Variants in PER2 observed in about 807,000 individuals in gnomAD.
PER2 encodes period circadian regulator 2.
A neutral mutation model predicts 121.0 loss-of-function variants in PER2; 66 were observed. That is an observed-to-expected ratio of 0.55 (90% CI 0.45 to 0.67). PER2 has a LOEUF of 0.67. Ranked by LOEUF, PER2 falls within the 30% of genes least tolerant of loss-of-function variation. The pLI, the probability that PER2 is intolerant of heterozygous loss-of-function variation, is 0.00. For synonymous variants in PER2, 684 were observed against 659.9 expected, an observed-to-expected ratio of 1.04 and a Z score of -0.56; for missense variants, 1,521 against 1,635.0, an observed-to-expected ratio of 0.93 and a Z score of 1.20.
chr2:238,245,041 C>CT lies in PER2; in HGVS notation c.*1333dup, dbSNP rs1695408006. ...CAGCCTGGGCAAAAAGAAACTCCAT[C>CT]TAAAAAAAAAAAAAAAAAAAAAAAA... On this transcript the variant is annotated 3_prime_UTR_variant, in exon 23 of 23. Coordinates refer to ENST00000254657, the MANE Select transcript of PER2 (RefSeq NM_022817.3). 3 of 28,110 alleles carry CT rather than the reference C, an allele frequency of 1.1e-4. No homozygotes were observed. Among genetic ancestry groups the CT allele is most frequent in the African/African-American group, 1.4e-4 (1 of 7,068 alleles). 1.7% of individuals were successfully genotyped at this position (28,110 alleles called of 1,614,324 possible).
At position 238,253,221 on chromosome 2, in the gene PER2, G is replaced by A. The variant is rs747856501; in HGVS notation, c.2802C>T (p.His934=). The change falls in exon 19 of 23, where the codon CAC becomes CAT. Residue 934 remains histidine, a synonymous_variant. Transcript: ENST00000254657. This position sits in a 1 kb window ranked among gnomAD's most constrained non-coding sequence, Gnocchi z 5.6. ...FFPSQPQFPS[H]PTLTSEMASA... is the part of the protein sequence containing the mutation. The stretch of plus-strand genomic sequence containing the variant: ...AGGCCATCTCGGATGTGAGTGTGGG[G>A]TGGCTCGGAAACTGAGGCTGGCTGG... 15 of 1,599,520 alleles carry A rather than the reference G, an allele frequency of 9.4e-6. No individual in the cohort carries two copies. Among genetic ancestry groups the A allele is most frequent in the South Asian group, 2.3e-5 (2 of 88,754 alleles).
chr2:238,258,293 G>A lies in PER2; in HGVS notation c.1883C>T (p.Pro628Leu). The A allele has an allele frequency of 6.2e-7, 1 of 1,614,174 alleles. No homozygotes were observed. The highest frequency in any genetic ancestry group is 8.5e-7 in the Non-Finnish European group (1 of 1,180,016). The change falls in exon 16 of 23, where the codon CCA becomes CTA. Residue 628 changes from proline to leucine, a missense_variant. Coordinates refer to ENST00000254657, the MANE Select transcript of PER2 (RefSeq NM_022817.3). ...TTAGATACCTCCAGCGTGTGGCCCTGGGCTGACTGTGGCCTTCCGCTTATC... is the reference window on the plus strand; with the variant it reads ...TTAGATACCTCCAGCGTGTGGCCCTAGGCTGACTGTGGCCTTCCGCTTATC... ...SSDKRKATVSPGPHAGEAEPP... is the reference protein window; with the variant it reads ...SSDKRKATVSLGPHAGEAEPP...
chr2:238,257,049 T>A lies in PER2; in HGVS notation c.1938A>T (p.Gly646=). ...EPPSRVNSRT[G]VGTHLTSLAL... is the part of the protein sequence containing the mutation. Reference sequence around the variant, plus strand: ...CCAGCGAGGTCAGGTGCGTACCTACTCCCGTGCGGCTGTTCACCCTGGAGG... The same window carrying A: ...CCAGCGAGGTCAGGTGCGTACCTACACCCGTGCGGCTGTTCACCCTGGAGG... The change falls in exon 17 of 23, where the codon GGA becomes GGT. Residue 646 remains glycine (G), a synonymous_variant. Coordinates refer to ENST00000254657, the MANE Select transcript of PER2 (RefSeq NM_022817.3). 6.2e-7 allele frequency: 1 copy of A among 1,613,272 alleles called. No homozygotes were observed. Among genetic ancestry groups the A allele is most frequent in the Non-Finnish European group, 8.5e-7 (1 of 1,179,934 alleles).
At position 238,253,645 on chromosome 2, in the gene PER2, T is replaced by C; in HGVS notation, c.2378A>G (p.Lys793Arg). 1 of 1,609,154 alleles carries C rather than the reference T, an allele frequency of 6.2e-7. No individual in the cohort carries two copies. The highest frequency in any genetic ancestry group is 1.1e-5 in the South Asian group (1 of 90,432). ...CCGCTTGGACTTCAATTTTCTGTTCTTTCCTGTTTTTTTCCAAGGTGAATC... is the reference window on the plus strand; with the variant it reads ...CCGCTTGGACTTCAATTTTCTGTTCCTTCCTGTTTTTTTCCAAGGTGAATC... ...GIDSPWKKTG[K>R]NRKLKSKRVK... Residue 793 changes from lysine to arginine, a missense_variant, in exon 19 of 23, where the codon AAG becomes AGG. Physicochemically the swap from Lys to Arg is conservative, Grantham distance 26. Coordinates refer to ENST00000254657, the MANE Select transcript of PER2 (RefSeq NM_022817.3). The surrounding 1 kb of genome is among the most constrained non-coding windows in gnomAD (Gnocchi z 5.6).
At chr2:238,261,925 T>A in intron 11 of PER2, 88 bp from the exon 12 acceptor site, 5 of 947,374 alleles carry the variant, frequency 5.3e-6, no homozygotes, top group Non-Finnish European at 8.2e-6. Flanking sequence ...GCTGCCTGCC[T>A]GGGTGGGCCC....
rs1421541630 is a variant in PER2 at position 238,252,757 on chromosome 2, T to C, written c.3111+155A>G. On this transcript the variant is annotated intron_variant, in intron 19 of 22. Coordinates refer to ENST00000254657, the MANE Select transcript of PER2 (RefSeq NM_022817.3). This position sits in a 1 kb window ranked among gnomAD's most constrained non-coding sequence, Gnocchi z 4.2. ...CTCTGATAGGATTAAGTGGGAAGCATGAATTTCTGGCACACACATTCATGG... is the reference window on the plus strand; with the variant it reads ...CTCTGATAGGATTAAGTGGGAAGCACGAATTTCTGGCACACACATTCATGG... Among the ~76,000 whole-genome samples, 1 of 152,204 alleles carries C rather than the reference T, an allele frequency of 6.6e-6. No homozygotes were observed. Among genetic ancestry groups the C allele is most frequent in the Non-Finnish European group, 1.5e-5 (1 of 68,018 alleles).
In PER2 at chr2:238,252,093, G is replaced by C. The variant is rs1695621096; in HGVS notation, c.3112-332C>G. On this transcript the variant is annotated intron_variant, in intron 19 of 22. Coordinates refer to ENST00000254657, the MANE Select transcript of PER2 (RefSeq NM_022817.3). This position sits in a 1 kb window ranked among gnomAD's most constrained non-coding sequence, Gnocchi z 4.2. ...CTCCTCACATGCAGCAGACATGGAT[G>C]GGGAAAACGCCTCTCACAGCACCCG... Among the ~76,000 whole-genome samples, 1 of 152,176 alleles carries C rather than the reference G, an allele frequency of 6.6e-6. No individual in the cohort carries two copies. The highest frequency in any genetic ancestry group is 2.4e-5 in the African/African-American group (1 of 41,442).
chr2:238,265,455 G>T, intron 9 of PER2, 57 bp downstream of exon 9: 2 of 1,084,050 alleles, frequency 1.8e-6, no homozygotes, highest in Non-Finnish European at 2.9e-6. Flanking sequence ...TCTTGGCTTT[G>T]GCTAAATAGC....
intron 1 of PER2, among the ~76,000 whole-genome samples, chr2:238,283,448 C>CT (rs1301813077): frequency 6.6e-6 from 1 of 152,208 alleles, no homozygotes; most frequent in Non-Finnish European, 1.5e-5. Flanking sequence ...GAAGGCAGAC[C>CT]TGAAGAGAGT....
rs547161880 is a variant in PER2 at position 238,260,703 on chromosome 2, G to A, written c.1542+125C>T. 9.7e-5 allele frequency: 102 copies of A among 1,053,168 alleles called. No individual in the cohort carries two copies. In the South Asian group the frequency reaches 1.3e-3, roughly 14 times the overall value. 65.2% of individuals were successfully genotyped at this position (1,053,168 alleles called of 1,614,324 possible). On this transcript the variant is annotated intron_variant, in intron 13 of 22. Transcript: ENST00000254657. Reference sequence around the variant, plus strand: ...GTCCCAAGTGGACAAAGTTTAGAAAGGAAGCAGCAACAGCTGCAATCAGGA... The same window carrying A: ...GTCCCAAGTGGACAAAGTTTAGAAAAGAAGCAGCAACAGCTGCAATCAGGA...
intron 21 of PER2, 87 bp from the exon 22 acceptor site, chr2:238,249,299 G>T: frequency 3.6e-6 from 5 of 1,388,462 alleles, no homozygotes; most frequent in South Asian, 1.2e-5. Context: ...AGTTTTAGAT[G>T]ATTTTGTTTA....
upstream of PER2, among the ~76,000 whole-genome samples, chr2:238,292,684 C>T (rs578154128): frequency 6.6e-6 from 1 of 151,412 alleles, no homozygotes; most frequent in African/African-American, 2.4e-5. Context: ...TTATAGATGT[C>T]CATTGCCATA....
At position 238,251,907 on chromosome 2, in the gene PER2, A is replaced by G. The variant is rs982295867; in HGVS notation, c.3112-146T>C. On this transcript the variant is annotated intron_variant, in intron 19 of 22. Transcript: ENST00000254657. The stretch of plus-strand genomic sequence containing the variant: ...CAAGGTTCACGGCCAGGGACGGCCT[A>G]ACGAGCAGACCACGCATCACCACCA... 1.4e-5 allele frequency: 10 copies of G among 739,222 alleles called. 1 individual carries two copies. The Admixed American group carries it at 1.4e-4, about 10-fold the overall frequency. 45.8% of individuals were successfully genotyped at this position (739,222 alleles called of 1,614,324 possible). A position where few individuals can be genotyped will look rare whatever the true frequency, so the allele number is the denominator to read the frequency against.
At chr2:238,274,410 G>T (rs1462642751) in intron 4 of PER2, among the ~76,000 whole-genome samples, 1 of 152,240 alleles carries the variant, frequency 6.6e-6, no homozygotes, top group Non-Finnish European at 1.5e-5. Context: ...GAGACCTTTG[G>T]ACCCACAGCT....
At chr2:238,261,202 C>T (rs967095781) in intron 12 of PER2, among the ~76,000 whole-genome samples, 2 of 152,354 alleles carry the variant, frequency 1.3e-5, no homozygotes, top group East Asian at 1.9e-4. Flanking sequence ...GTGTCCAACC[C>T]GCTCATCAAC....
chr2:238,266,223 A>G (rs1046139287), intron 8 of PER2, among the ~76,000 whole-genome samples: 6 of 151,996 alleles, frequency 3.9e-5, no homozygotes, highest in African/African-American at 1.5e-4. Context: ...GATGTTTAAG[A>G]TGAAACTACA....
intron 3 of PER2, among the ~76,000 whole-genome samples, chr2:238,276,683 T>G (rs1696465199): frequency 6.6e-6 from 1 of 152,150 alleles, no homozygotes; most frequent in Admixed American, 6.5e-5. Context: ...CTGATGAAGA[T>G]GGGCCTGTGT....
intron 1 of PER2, among the ~76,000 whole-genome samples, chr2:238,282,243 G>A (rs987566363): frequency 2.0e-5 from 3 of 151,988 alleles, no homozygotes; most frequent in East Asian, 1.9e-4. Flanking sequence ...CTGCTCCCTC[G>A]TGCCCACAGC....
At chr2:238,256,099 C>A (rs1324356481) in intron 17 of PER2, among the ~76,000 whole-genome samples, 188 bp from the exon 18 acceptor site, 1 of 152,276 alleles carries the variant, frequency 6.6e-6, no homozygotes, top group Non-Finnish European at 1.5e-5. Flanking sequence ...AGGCAAGAAG[C>A]AGAGCAGGAC....
Sources: allele counts gnomAD v4.1 joint callset (sites outside exome capture counted in the v4.1 genomes callset), GRCh38; gene constraint gnomAD v4.1.1; non-coding constraint Gnocchi (gnomAD v3.1); transcripts MANE v1.5; gene names NCBI Gene and HGNC (gene_info 2026-07-23, HGNC 2026-07-21).